The following RNF138 variants were observed in gnomAD, a reference collection of about 807,000 sequenced individuals.
RNF138 encodes ring finger protein 138.
A neutral mutation model predicts 31.0 loss-of-function variants in RNF138; 12 were observed. The ratio of observed to expected loss-of-function variants is 0.39; its 90% CI spans 0.25 to 0.63. The LOEUF (loss-of-function observed/expected upper bound fraction) is 0.63, where lower values mean the gene tolerates loss of function less well. Ranked by LOEUF, RNF138 falls within the 20% of genes least tolerant of loss-of-function variation. The pLI is 0.52. For synonymous variants in RNF138, 105 were observed against 99.5 expected (o/e 1.06, Z -0.33); for missense variants, 192 against 300.1 (o/e 0.64, Z 2.66).
intron 6 of RNF138, chr18:32,125,051 G>A: frequency 4.0e-6 from 2 of 495,910 alleles, no homozygotes; most frequent in East Asian, 3.3e-5. Flanking sequence ...TAAAAAGGGA[G>A]ATGCATAGTG....
chr18:32,107,116 C>CTTTTTTT (rs58774714), intron 2 of RNF138, among the ~76,000 whole-genome samples: 2 of 100,588 alleles, frequency 2.0e-5, no homozygotes, highest in Non-Finnish European at 1.9e-5. Flanking sequence ...TCCTTTTTTC[C>CTTTTTTT]TTTTTTTTTT....
intron 7 of RNF138, 49 bp downstream of exon 7, chr18:32,126,849 T>C: frequency 1.7e-6 from 2 of 1,166,470 alleles, no homozygotes; most frequent in Non-Finnish European, 2.5e-6. Flanking sequence ...ATATTAAAGT[T>C]AAAATAACTT....
In RNF138 at chr18:32,092,869, C is replaced by G. The variant is rs750755769; in HGVS notation, c.93C>G (p.Thr31=). The G allele has an allele frequency of 1.3e-6, 2 of 1,578,754 alleles. No individual in the cohort carries two copies. Residue 31 remains threonine (T), a synonymous_variant, in exon 2 of 8, where the codon ACC becomes ACG. Coordinates refer to ENST00000261593, the MANE Select transcript of RNF138 (RefSeq NM_016271.5). ...CQEVLKTPVR[T]TACQHVFCRK... is the part of the protein sequence containing the mutation. ...AGGTGCTCAAAACGCCCGTGCGGAC[C>G]ACGGCCTGTCAGCACGTGTGAGTAG...
intron 7 of RNF138, among the ~76,000 whole-genome samples, chr18:32,128,740 T>G (rs1222701840): frequency 2.0e-5 from 3 of 152,190 alleles, no homozygotes; most frequent in African/African-American, 7.2e-5. Context: ...CTCAAACTCA[T>G]AGGCTCAAAC....
chr18:32,117,781 G>A (rs1362271526), intron 4 of RNF138, among the ~76,000 whole-genome samples: 2 of 152,120 alleles, frequency 1.3e-5, no homozygotes. Context: ...CATTGGTGTG[G>A]GGTAGTTTCT....
intron 2 of RNF138, among the ~76,000 whole-genome samples, chr18:32,098,966 G>A (rs1405362293): frequency 1.3e-5 from 2 of 150,710 alleles, no homozygotes; most frequent in African/African-American, 4.9e-5. Flanking sequence ...TATCGACTCG[G>A]AAAATAGATA....
At chr18:32,117,737 G>A (rs1239570542) in intron 4 of RNF138, among the ~76,000 whole-genome samples, 1 of 152,118 alleles carries the variant, frequency 6.6e-6, no homozygotes, top group Non-Finnish European at 1.5e-5. Flanking sequence ...CTGTAAATTA[G>A]TAAATATTGG....
At chr18:32,115,755 ACACGCACACACACGCACG>A (rs1460390923) in intron 4 of RNF138, among the ~76,000 whole-genome samples, 1 of 151,934 alleles carries the variant, frequency 6.6e-6, no homozygotes, top group Admixed American at 6.6e-5. Context: ...AAACACACAC[ACACGCACACACACGCACG>A]CACGCACACA....
intron 6 of RNF138, 107 bp downstream of exon 6, chr18:32,124,952 G>A (rs2040361430): frequency 3.2e-6 from 2 of 630,876 alleles, no homozygotes. Context: ...ATTTGGTTGG[G>A]GCATTATCAG....
intron 2 of RNF138, among the ~76,000 whole-genome samples, chr18:32,111,022 C>T (rs143017542): frequency 7.2e-5 from 11 of 152,280 alleles, no homozygotes; most frequent in East Asian, 1.9e-4. Context: ...CCACGTGATC[C>T]GCCTGCTTCA....
intron 4 of RNF138, among the ~76,000 whole-genome samples, chr18:32,122,988 A>C (rs2040330065): frequency 6.6e-6 from 1 of 152,218 alleles, no homozygotes; most frequent in South Asian, 2.1e-4. Flanking sequence ...GGAGATGTTA[A>C]GTTGTTCTGT....
rs750298913 is a variant in RNF138, at chr18:32,097,981, T to TG, written c.110+5095_110+5096insG. On this transcript the variant is annotated intron_variant, in intron 2 of 7. Transcript: ENST00000261593. ...GTGTGTGTGTGTGTGTGTGTGTTAT[T>TG]TTTGTTTGTTTGTTTGTTTGTTTTG... 1.4e-3 allele frequency among the ~76,000 whole-genome samples: 211 copies of TG among 150,190 alleles called. 1 individual carries two copies. The highest frequency in any genetic ancestry group is 2.7e-3 in the South Asian group (13 of 4,752).
In RNF138 at chr18:32,093,952, T is replaced by G. The variant is rs1474186552; in HGVS notation, c.110+1066T>G. On this transcript the variant is annotated intron_variant, in intron 2 of 7. Transcript: ENST00000261593. ...GTGGGGCCTGGAAATCTTTATTTAT[T>G]TATTTATTGTATTTTTTTTTAGTAG... 3.3e-5 allele frequency among the ~76,000 whole-genome samples: 5 copies of G among 152,108 alleles called. 1 individual carries two copies. Among genetic ancestry groups the G allele is most frequent in the Admixed American group, 1.3e-4 (2 of 15,256 alleles).
At chr18:32,125,622 A>C (rs1368417497) in intron 6 of RNF138, among the ~76,000 whole-genome samples, 1 of 152,208 alleles carries the variant, frequency 6.6e-6, no homozygotes, top group Non-Finnish European at 1.5e-5. Context: ...TGAGTATGCT[A>C]GGAAAAGTTG....
chr18:32,097,976 GTTA>G (rs1219408101), intron 2 of RNF138, among the ~76,000 whole-genome samples: 35 of 29,712 alleles, frequency 1.2e-3, no homozygotes, highest in East Asian at 3.2e-3. Flanking sequence ...GTGTGTGTGT[GTTA>G]TTTTTGTTTG....
At chr18:32,111,284 T>A (rs1384868122) in intron 2 of RNF138, among the ~76,000 whole-genome samples, 3 of 152,220 alleles carry the variant, frequency 2.0e-5, no homozygotes, top group Non-Finnish European at 4.4e-5. Context: ...GACCTGTTTA[T>A]GTCTTGTGGA....
In RNF138 at chr18:32,104,551, CAA is replaced by C. The variant is rs1390466926; in HGVS notation, c.111-7202_111-7201del. ...ATTGTCATAATTTGTCGATTAAAAA[CAA>C]GAGAAACAATAAGAGTACAGGGAGG... On this transcript the variant is annotated intron_variant, in intron 2 of 7. Coordinates refer to ENST00000261593, the MANE Select transcript of RNF138 (RefSeq NM_016271.5). 8.5e-5 allele frequency among the ~76,000 whole-genome samples: 13 copies of C among 152,096 alleles called. No individual in the cohort carries two copies. In the East Asian group the frequency reaches 1.2e-3, roughly 14 times the overall value.
At chr18:32,098,971 T>C (rs1301229944) in intron 2 of RNF138, among the ~76,000 whole-genome samples, 1 of 149,378 alleles carries the variant, frequency 6.7e-6, no homozygotes, top group Non-Finnish European at 1.5e-5. Context: ...ACTCGGAAAA[T>C]AGATAGACTA....
intron 1 of RNF138, 75 bp from the exon 2 acceptor site, chr18:32,092,625 A>G (rs985736855): frequency 1.6e-6 from 1 of 638,524 alleles, no homozygotes; most frequent in Admixed American, 2.3e-5. Context: ...GCCCCGCCCT[A>G]CCCAGGGCCC....
Sources: allele counts gnomAD v4.1 joint callset (sites outside exome capture counted in the v4.1 genomes callset), GRCh38; gene constraint gnomAD v4.1.1; transcripts MANE v1.5; gene names NCBI Gene and HGNC (gene_info 2026-07-23, HGNC 2026-07-21).